The following KNDC1 variants were observed in gnomAD, a reference collection of about 807,000 sequenced individuals.
KNDC1 encodes kinase non-catalytic C-lobe domain containing 1, also known as kinase non-catalytic C-lobe domain-containing protein 1.
A neutral mutation model predicts 172.8 loss-of-function variants in KNDC1; 106 were observed. That is an observed-to-expected ratio of 0.61 (90% CI 0.52 to 0.72). The LOEUF (loss-of-function observed/expected upper bound fraction) is 0.72. Among genes scored for constraint, KNDC1 ranks in the 30% least tolerant of loss-of-function variants. The pLI is 0.00. For synonymous variants in KNDC1, 1,083 were observed against 1,062.2 expected (o/e 1.02, Z -0.38); for missense variants, 2,325 against 2,394.5 (o/e 0.97, Z 0.61).
chr10:133,164,906 A>C (rs1564870262), intron 1 of KNDC1, among the ~76,000 whole-genome samples: 1 of 152,080 alleles, frequency 6.6e-6, no homozygotes, highest in Non-Finnish European at 1.5e-5. Context: ...CTGGCCTCTT[A>C]GGCCTGTCTG....
At chr10:133,171,779 G>GTTTTTA (rs1853385695) in intron 3 of KNDC1, among the ~76,000 whole-genome samples, 1 of 150,470 alleles carries the variant, frequency 6.6e-6, no homozygotes, top group Non-Finnish European at 1.5e-5. Context: ...CCCAGCTAAT[G>GTTTTTA]TTTTTATTTT....
rs754313442 is a variant in KNDC1 at position 133,167,598 on chromosome 10, T to TGGCGGCGGC, written c.301+25_301+33dup. 2 of 1,558,828 alleles carry TGGCGGCGGC rather than the reference T, an allele frequency of 1.3e-6. No homozygotes were observed. The highest frequency in any genetic ancestry group is 2.4e-5 in the East Asian group (1 of 41,884). ...CTCAGCGGTGAGGCGGCGGTGGCGG[T>TGGCGGCGGC]GGCGGCGGCGGCGGGCACGCGGGGT... On this transcript the variant is annotated intron_variant, in intron 2 of 29. Transcript: ENST00000304613.
Position 133,188,654 on chromosome 10 carries a change from G to A in KNDC1, c.1441+1G>A. The A allele has an allele frequency of 6.4e-7, 1 of 1,565,110 alleles. No individual in the cohort carries two copies. The highest frequency in any genetic ancestry group is 8.6e-7 in the Non-Finnish European group (1 of 1,156,966). On this transcript the variant is annotated splice_donor_variant, in intron 7 of 29. Coordinates refer to ENST00000304613, the MANE Select transcript of KNDC1 (RefSeq NM_152643.8). LOFTEE classifies it high-confidence loss of function. ...CTGCAGACACGCCCTGAGCACCCAG[G>A]TGACGCACGCACCATCCCATCCCCC...
rs138608410 is a variant in KNDC1 at position 133,176,792 on chromosome 10, G to A, written c.361-6552G>A. Among the ~76,000 whole-genome samples, 82 of 152,336 alleles carry A rather than the reference G, an allele frequency of 5.4e-4. No homozygotes were observed. In the East Asian group the frequency reaches 0.015, roughly 29 times the overall value. On this transcript the variant is annotated intron_variant, in intron 3 of 29. Transcript: ENST00000304613. ...CCGGGGCTGTGCTTGGTGCTGCTCA[G>A]CACCCCTGCATCTAGGCTGAGGGAG...
intron 26 of KNDC1, among the ~76,000 whole-genome samples, chr10:133,215,841 C>G (rs2136028518): frequency 6.6e-6 from 1 of 152,358 alleles, no homozygotes; most frequent in African/African-American, 2.4e-5. Flanking sequence ...AGGCTCACAC[C>G]CAGGGCTGCT....
Position 133,226,279 on chromosome 10 carries a change from T to G in KNDC1, c.*1389T>G, listed in dbSNP as rs183144638. On this transcript the variant is annotated 3_prime_UTR_variant, in exon 30 of 30. Transcript: ENST00000304613. The stretch of plus-strand genomic sequence containing the variant: ...TTCAGATTTTGTATCTAACAGACAG[T>G]GCTCAGTGCAAATCAACATTCCAGC... 2.0e-5 allele frequency: 3 copies of G among 152,348 alleles called. No individual in the cohort carries two copies. In the East Asian group the frequency reaches 5.8e-4, roughly 29 times the overall value. 9.4% of individuals were successfully genotyped at this position (152,348 alleles called of 1,614,324 possible). A position where few individuals can be genotyped will look rare whatever the true frequency, so the allele number is the denominator to read the frequency against.
intron 29 of KNDC1, among the ~76,000 whole-genome samples, chr10:133,221,211 C>G (rs969006596): frequency 6.6e-6 from 1 of 152,100 alleles, no homozygotes; most frequent in Admixed American, 6.5e-5. Flanking sequence ...AAACCCCTCT[C>G]CCTAGAGACA....
In KNDC1 at chr10:133,189,675, T is replaced by C. The variant is rs891782899; in HGVS notation, c.1513+6T>C. ...CCAGCCACCCCCTGCCAACGGTGAGTGTGTGGGTTCCCCTCAGGCCGAGTC... is the reference window on the plus strand; with the variant it reads ...CCAGCCACCCCCTGCCAACGGTGAGCGTGTGGGTTCCCCTCAGGCCGAGTC... On this transcript the variant is annotated splice_donor_region_variant and intron_variant, in intron 8 of 29. Transcript: ENST00000304613. 6 of 1,613,618 alleles carry C rather than the reference T, an allele frequency of 3.7e-6. No individual in the cohort carries two copies. The African/African-American group carries it at 4.0e-5, about 11-fold the overall frequency.
intron 26 of KNDC1, among the ~76,000 whole-genome samples, chr10:133,215,958 G>T (rs577878290): frequency 6.6e-6 from 1 of 152,216 alleles, no homozygotes; most frequent in African/African-American, 2.4e-5. Flanking sequence ...TCACGGGAGC[G>T]GACGGACCTC....
At chr10:133,196,199 C>T (rs1854186492) in intron 10 of KNDC1, among the ~76,000 whole-genome samples, 1 of 152,150 alleles carries the variant, frequency 6.6e-6, no homozygotes. Context: ...GAGGCCTCCA[C>T]ACCTCACCCC....
chr10:133,195,592 G>C, intron 9 of KNDC1, 71 bp from the exon 10 acceptor site: 1 of 1,405,184 alleles, frequency 7.1e-7, no homozygotes, highest in Non-Finnish European at 9.4e-7. Context: ...GGGTGCCTGA[G>C]GTGGGCAGGT....
At chr10:133,180,980 G>C (rs138956515) in intron 3 of KNDC1, among the ~76,000 whole-genome samples, 1 of 152,226 alleles carries the variant, frequency 6.6e-6, no homozygotes, top group South Asian at 2.1e-4. Context: ...AGGGTTTGTC[G>C]CAGCTGTCAG....
In KNDC1 at chr10:133,203,134, C is replaced by A. The variant is rs567830811; in HGVS notation, c.3387+1236C>A. ...CGTCCAGCGGGGAGCACTCGGCCCC[C>A]AAACGCACGGCGTCCAGCGGGGAGC... On this transcript the variant is annotated intron_variant, in intron 17 of 29. Transcript: ENST00000304613. Among the ~76,000 whole-genome samples the A allele has an allele frequency of 1.6e-3, 143 of 87,374 alleles. 1 individual carries two copies. The highest frequency in any genetic ancestry group is 4.7e-3 in the African/African-American group (137 of 29,338). The allele number at this position is 87,374 out of a possible 152,430, so 57.3% of individuals were successfully genotyped here. A position where few individuals can be genotyped will look rare whatever the true frequency, so the allele number is the denominator to read the frequency against.
intron 16 of KNDC1, 36 bp downstream of exon 16, chr10:133,200,496 C>T: frequency 6.9e-7 from 1 of 1,446,998 alleles, no homozygotes; most frequent in Non-Finnish European, 9.2e-7. Context: ...AGGAGCTCTG[C>T]TGGGCGGCTC....
Position 133,183,873 on chromosome 10 carries a change from G to A in KNDC1, c.509G>A (p.Ser170Asn), listed in dbSNP as rs1334141527. Reference protein sequence around the residue: ...EDPGDRPDLESIIALCEEKLQ... With the variant: ...EDPGDRPDLENIIALCEEKLQ... ...TGTCTGAGGTGTTCCCGTCCCCAGAGCATCATCGCGCTGTGTGAAGAGAAG... is the reference window on the plus strand; with the variant it reads ...TGTCTGAGGTGTTCCCGTCCCCAGAACATCATCGCGCTGTGTGAAGAGAAG... Residue 170 changes from serine (S) to asparagine (N), a missense_variant and splice_region_variant, in exon 5 of 30, where the codon AGC becomes AAC. By Grantham distance (46) the Ser-to-Asn change is conservative. Coordinates refer to ENST00000304613, the MANE Select transcript of KNDC1 (RefSeq NM_152643.8). 1.9e-6 allele frequency: 3 copies of A among 1,575,068 alleles called. No individual in the cohort carries two copies. Among genetic ancestry groups the A allele is most frequent in the Non-Finnish European group, 1.7e-6 (2 of 1,153,322 alleles).
chr10:133,219,115 C>G, intron 28 of KNDC1, 25 bp downstream of exon 28: 1 of 1,608,242 alleles, frequency 6.2e-7, no homozygotes, highest in Non-Finnish European at 8.5e-7. Context: ...CGTGGCCGGG[C>G]GGCTTTGGTC....
rs777781880 is a variant in KNDC1 at position 133,214,061 on chromosome 10, G to A, written c.4616G>A (p.Arg1539Lys). Residue 1539 changes from arginine to lysine, a missense_variant, in exon 26 of 30, where the codon AGA becomes AAA. Coordinates refer to ENST00000304613, the MANE Select transcript of KNDC1 (RefSeq NM_152643.8). ...VQDKYLLQLL[R>K]NADDVSTWVA... ...GACAAGTATCTGTTACAGCTTCTAA[G>A]AAACGCAGATGACGTCAGCACCTGG... 6 of 1,614,216 alleles carry A rather than the reference G, an allele frequency of 3.7e-6. No individual in the cohort carries two copies. Among genetic ancestry groups the A allele is most frequent in the Admixed American group, 1.7e-5 (1 of 60,034 alleles).
At chr10:133,171,998 T>C (rs187221272) in intron 3 of KNDC1, among the ~76,000 whole-genome samples, 1 of 152,346 alleles carries the variant, frequency 6.6e-6, no homozygotes, top group African/African-American at 2.4e-5. Context: ...ACAGATTCTT[T>C]TAGTTTTCCT....
At position 133,224,755 on chromosome 10, in the gene KNDC1, G is replaced by A. The variant is rs1845686682; in HGVS notation, c.5115G>A (p.Arg1705=). 3.7e-6 allele frequency: 6 copies of A among 1,614,072 alleles called. No individual in the cohort carries two copies. The highest frequency in any genetic ancestry group is 3.3e-5 in the South Asian group (3 of 91,082). ...AGCTCCAGTCGTACCTCAAGCAGAGGATTGCCCGCTTCAGCGGTGCCGACA... is the reference window on the plus strand; with the variant it reads ...AGCTCCAGTCGTACCTCAAGCAGAGAATTGCCCGCTTCAGCGGTGCCGACA... ...DPKLQSYLKQ[R]IARFSGADIS... is the part of the protein sequence containing the mutation. Residue 1705 remains arginine (R), a synonymous_variant, in exon 30 of 30, where the codon AGG becomes AGA. Coordinates refer to ENST00000304613, the MANE Select transcript of KNDC1 (RefSeq NM_152643.8). The surrounding 1 kb of genome is among the most constrained non-coding windows in gnomAD (Gnocchi z 5.4).
Sources: allele counts gnomAD v4.1 joint callset (sites outside exome capture counted in the v4.1 genomes callset), GRCh38; gene constraint gnomAD v4.1.1; non-coding constraint Gnocchi (gnomAD v3.1); transcripts MANE v1.5; gene names NCBI Gene and HGNC (gene_info 2026-07-23, HGNC 2026-07-21).